Variants in ADAMTS9 observed in about 807,000 individuals in gnomAD.
ADAMTS9 encodes the protein A disintegrin and metalloproteinase with thrombospondin motifs 9.
A neutral mutation model predicts 257.1 loss-of-function variants in ADAMTS9; 107 were observed. That is an observed-to-expected ratio of 0.42 (90% CI 0.36 to 0.49). The LOEUF (loss-of-function observed/expected upper bound fraction) is 0.49, where lower values mean the gene tolerates loss of function less well. Among genes scored for constraint, ADAMTS9 ranks in the 20% least tolerant of loss-of-function variants. ADAMTS9 has a pLI of 0.03. For synonymous variants in ADAMTS9, 982 were observed against 880.9 expected (o/e 1.11, Z -2.03); for missense variants, 2,353 against 2,469.1 (o/e 0.95, Z 1.00).
intron 27 of ADAMTS9, among the ~76,000 whole-genome samples, chr3:64,596,337 GA>G (rs1466314117): frequency 6.6e-6 from 1 of 152,114 alleles, no homozygotes; most frequent in Non-Finnish European, 1.5e-5. Flanking sequence ...CCATATTTGA[GA>G]AAACACAGCT....
intron 36 of ADAMTS9, 22 bp downstream of exon 36, chr3:64,541,073 A>T: frequency 6.2e-7 from 1 of 1,613,266 alleles, no homozygotes; most frequent in South Asian, 1.1e-5. Context: ...ACACGTTCCC[A>T]AAGGACTCCT....
intron 36 of ADAMTS9, 30 bp from the exon 37 acceptor site, chr3:64,539,324 G>A (rs751722484): frequency 6.3e-7 from 1 of 1,585,242 alleles, no homozygotes. Flanking sequence ...TTAAAGGCAG[G>A]GGAAGGTAAG....
intron 16 of ADAMTS9, among the ~76,000 whole-genome samples, chr3:64,626,386 C>T (rs576342081): frequency 1.3e-5 from 2 of 152,264 alleles, no homozygotes; most frequent in East Asian, 3.9e-4. Context: ...TTCATGCATT[C>T]GTTCTCTTGT....
intron 16 of ADAMTS9, among the ~76,000 whole-genome samples, chr3:64,628,965 C>T (rs1700299542): frequency 6.6e-6 from 1 of 152,174 alleles, no homozygotes; most frequent in Non-Finnish European, 1.5e-5. Flanking sequence ...GATGACAACT[C>T]CATCCTTCCC....
chr3:64,562,774 T>C (rs2083450514), intron 29 of ADAMTS9, among the ~76,000 whole-genome samples: 2 of 152,206 alleles, frequency 1.3e-5, no homozygotes, highest in East Asian at 1.9e-4. Flanking sequence ...CTTTCAAACT[T>C]GAAAAAATTA....
chr3:64,534,801 G>T (rs983503679), intron 37 of ADAMTS9, among the ~76,000 whole-genome samples: 1 of 152,030 alleles, frequency 6.6e-6, no homozygotes, highest in Non-Finnish European at 1.5e-5. Context: ...TGGTGCTGCT[G>T]TTGGCATCTG....
At chr3:64,597,044 C>T in intron 26 of ADAMTS9, 53 bp from the exon 27 acceptor site, 1 of 1,603,400 alleles carries the variant, frequency 6.2e-7, no homozygotes, top group Non-Finnish European at 8.5e-7. Flanking sequence ...ATCTTAGGGA[C>T]ACAGAAGCAG....
At chr3:64,573,158 T>C (rs1057389298) in intron 28 of ADAMTS9, among the ~76,000 whole-genome samples, 1 of 150,780 alleles carries the variant, frequency 6.6e-6, no homozygotes, top group Admixed American at 6.6e-5. Context: ...GGGGACTGAA[T>C]GAGGACCAGG....
At chr3:64,550,846 C>T in intron 31 of ADAMTS9, 46 bp downstream of exon 31, 1 of 1,607,782 alleles carries the variant, frequency 6.2e-7, no homozygotes. Flanking sequence ...CTGCCACTCT[C>T]AGGCCATGGC....
intron 3 of ADAMTS9, among the ~76,000 whole-genome samples, chr3:64,668,409 T>C (rs1701401744): frequency 6.6e-6 from 1 of 152,172 alleles, no homozygotes; most frequent in African/African-American, 2.4e-5. Flanking sequence ...GCAGAGTGTA[T>C]ACCAGAGACA....
intron 37 of ADAMTS9, among the ~76,000 whole-genome samples, chr3:64,535,312 T>A (rs1331366974): frequency 6.6e-6 from 1 of 152,000 alleles, no homozygotes; most frequent in African/African-American, 2.4e-5. Context: ...GCAGGAAGTG[T>A]AGGTTGCAGT....
At chr3:64,666,414 G>C (rs1701355082) in intron 3 of ADAMTS9, among the ~76,000 whole-genome samples, 1 of 152,164 alleles carries the variant, frequency 6.6e-6, no homozygotes, top group African/African-American at 2.4e-5. Context: ...TGACTTCACA[G>C]AGCACAGGAC....
intron 38 of ADAMTS9, among the ~76,000 whole-genome samples, chr3:64,529,348 A>C (rs1176854331): frequency 1.3e-5 from 2 of 152,218 alleles, no homozygotes; most frequent in Non-Finnish European, 2.9e-5. Context: ...ACCTGAATCA[A>C]TACAGCTTTC....
chr3:64,581,928 C>G (rs1331663379), intron 28 of ADAMTS9, among the ~76,000 whole-genome samples: 1 of 152,168 alleles, frequency 6.6e-6, no homozygotes, highest in South Asian at 2.1e-4. Context: ...TTTTCTTTGC[C>G]TTTCCTCTAC....
intron 3 of ADAMTS9, among the ~76,000 whole-genome samples, chr3:64,678,133 T>G (rs1576187278): frequency 6.6e-6 from 1 of 152,146 alleles, no homozygotes; most frequent in East Asian, 1.9e-4. Flanking sequence ...GAGACCTCTC[T>G]CCCAAGGCTA....
chr3:64,543,205 C>G (rs981186765), intron 32 of ADAMTS9, among the ~76,000 whole-genome samples: 3 of 84 alleles, frequency 0.036, no homozygotes, highest in Non-Finnish European at 0.048. Flanking sequence ...GAGCTGGTAC[C>G]ATATCCTTCT....
Position 64,681,332 on chromosome 3 carries a change from T to A in ADAMTS9, c.548A>T (p.Tyr183Phe). The A allele has an allele frequency of 8.1e-6, 13 of 1,613,426 alleles. No individual in the cohort carries two copies. The highest frequency in any genetic ancestry group is 1.1e-5 in the Non-Finnish European group (13 of 1,179,674). ...LGTFRSHDGDYFIEPLQSMDE... is the reference protein window; with the variant it reads ...LGTFRSHDGDFFIEPLQSMDE... ...CATAGACTGTAGTGGTTCAATAAAATAATCCCCATCATGAGACCGGAATGT... is the reference window on the plus strand; with the variant it reads ...CATAGACTGTAGTGGTTCAATAAAAAAATCCCCATCATGAGACCGGAATGT... The change falls in exon 3 of 40, where the codon TAT becomes TTT. Residue 183 changes from tyrosine to phenylalanine, a missense_variant. Around this residue, in one of 3 missense-constraint regions of ADAMTS9, gnomAD observed 591 missense variants for 569.6 expected, o/e 1.04. Coordinates refer to ENST00000498707, the MANE Select transcript of ADAMTS9 (RefSeq NM_182920.2).
chr3:64,594,194 A>T, intron 28 of ADAMTS9, 64 bp downstream of exon 28: 1 of 1,514,654 alleles, frequency 6.6e-7, no homozygotes, highest in Non-Finnish European at 9.0e-7. Context: ...GCCACAGAGG[A>T]GTGCCCCAGA....
At chr3:64,668,381 T>C (rs550917434) in intron 3 of ADAMTS9, among the ~76,000 whole-genome samples, 10 of 152,254 alleles carry the variant, frequency 6.6e-5, no homozygotes, top group African/African-American at 2.4e-4. Flanking sequence ...GATGGTGCAT[T>C]CTAGGCAGGA....
Sources: allele counts gnomAD v4.1 joint callset (sites outside exome capture counted in the v4.1 genomes callset), GRCh38; gene constraint gnomAD v4.1.1; regional missense constraint gnomAD v4.1.1; transcripts MANE v1.5; gene names NCBI Gene and HGNC (gene_info 2026-07-23, HGNC 2026-07-21).